SAP30BP: variants seen among roughly 807,000 people sequenced by gnomAD.
The protein encoded by SAP30BP is SAP30-binding protein.
Under a neutral mutation model 46.3 loss-of-function variants are expected in SAP30BP, and 31 were observed. The ratio of observed to expected loss-of-function variants is 0.67; its 90% confidence interval spans 0.50 to 0.90. The LOEUF (loss-of-function observed/expected upper bound fraction) is 0.90. Among genes scored for constraint, SAP30BP ranks in the 40% least tolerant of loss-of-function variants. SAP30BP has a pLI of 0.00. For synonymous variants in SAP30BP, 169 were observed against 144.2 expected, an observed-to-expected ratio of 1.17 and a Z score of -1.23; for missense variants, 312 against 391.0, an observed-to-expected ratio of 0.80 and a Z score of 1.70.
chr17:75,677,106 C>CTTTTTT (rs35919373), intron 3 of SAP30BP, among the ~76,000 whole-genome samples: 7 of 113,490 alleles, frequency 6.2e-5, no homozygotes, highest in South Asian at 2.9e-4. Context: ...TGGCAGAAAA[C>CTTTTTT]TTTTTTTTTT....
At chr17:75,690,551 C>T (rs2060226378) in intron 3 of SAP30BP, 3 of 390,272 alleles carry the variant, frequency 7.7e-6, no homozygotes, top group Non-Finnish European at 1.5e-5. Flanking sequence ...CTCCTGGACT[C>T]AAGCAGTCAG....
At chr17:75,686,023 T>C (rs2060151145) in intron 3 of SAP30BP, among the ~76,000 whole-genome samples, 2 of 152,230 alleles carry the variant, frequency 1.3e-5, no homozygotes, top group African/African-American at 4.8e-5. Context: ...CATTGAAGTC[T>C]AGTTGGTTGT....
intron 3 of SAP30BP, among the ~76,000 whole-genome samples, chr17:75,681,489 C>G (rs907479729): frequency 5.3e-5 from 8 of 152,240 alleles, no homozygotes; most frequent in African/African-American, 1.9e-4. Context: ...CACCCACTCT[C>G]CTCTCAACTC....
Position 75,704,829 on chromosome 17 carries a change from A to G in SAP30BP, c.660+15A>G. On this transcript the variant is annotated intron_variant, in intron 9 of 10. Transcript: ENST00000584667. Reference sequence around the variant, plus strand: ...AGCGAACAAAAGTAAGTGATGGCAGACCTCCTAGATGAAAAAGGCACATGT... The same window carrying G: ...AGCGAACAAAAGTAAGTGATGGCAGGCCTCCTAGATGAAAAAGGCACATGT... 6.2e-7 allele frequency: 1 copy of G among 1,607,566 alleles called. No individual in the cohort carries two copies. Among genetic ancestry groups the G allele is most frequent in the Non-Finnish European group, 8.5e-7 (1 of 1,174,430 alleles).
intron 9 of SAP30BP, chr17:75,705,692 G>C: frequency 8.7e-7 from 1 of 1,155,150 alleles, no homozygotes; most frequent in African/African-American, 1.6e-5. Context: ...CTCCTCCTGG[G>C]TGTGAGGAGG....
At chr17:75,702,110 C>T (rs2060420840) in intron 5 of SAP30BP, among the ~76,000 whole-genome samples, 1 of 152,216 alleles carries the variant, frequency 6.6e-6, no homozygotes, top group South Asian at 2.1e-4. Context: ...GCAACCTCCA[C>T]CTCCCAGGTT....
chr17:75,685,706 A>G (rs929805419), intron 3 of SAP30BP, among the ~76,000 whole-genome samples: 2 of 151,956 alleles, frequency 1.3e-5, no homozygotes, highest in Admixed American at 6.6e-5. Context: ...GGCTCCCCCC[A>G]ACCCCCCAAA....
intron 8 of SAP30BP, 44 bp downstream of exon 8, chr17:75,703,903 G>A (rs776460137): frequency 1.3e-5 from 18 of 1,381,494 alleles, no homozygotes; most frequent in South Asian, 6.9e-5. Flanking sequence ...CCGCCCACCC[G>A]ACTGTCCCTT....
chr17:75,690,720 G>A (rs1266660250), intron 3 of SAP30BP: 1 of 456,580 alleles, frequency 2.2e-6, no homozygotes, highest in Non-Finnish European at 4.4e-6. Context: ...CAAGCTCATG[G>A]CCCAGCTTGT....
At position 75,706,576 on chromosome 17, in the gene SAP30BP, C is replaced by T; in HGVS notation, c.*55C>T. On this transcript the variant is annotated 3_prime_UTR_variant, in exon 11 of 11. Transcript: ENST00000584667. This position sits in a 1 kb window ranked among gnomAD's most constrained non-coding sequence, Gnocchi z 4.6. Reference sequence around the variant, plus strand: ...ACCGTGCAGCCCAGTGACCACTGCCCAGTGGGAGGCGCCACTTTGTATATT... The same window carrying T: ...ACCGTGCAGCCCAGTGACCACTGCCTAGTGGGAGGCGCCACTTTGTATATT... 6.6e-7 allele frequency: 1 copy of T among 1,507,954 alleles called. No individual in the cohort carries two copies. The highest frequency in any genetic ancestry group is 9.1e-7 in the Non-Finnish European group (1 of 1,093,450). The allele number at this position is 1,507,954 out of a possible 1,614,324, so 93.4% of individuals were successfully genotyped here.
intron 3 of SAP30BP, chr17:75,690,741 G>T: frequency 2.2e-6 from 1 of 456,724 alleles, no homozygotes. Context: ...TGGACTCAGA[G>T]GGCAGAAGAA....
intron 5 of SAP30BP, 118 bp from the exon 6 acceptor site, chr17:75,702,362 T>C: frequency 3.7e-6 from 2 of 537,118 alleles, no homozygotes; most frequent in Non-Finnish European, 3.5e-6. Flanking sequence ...CAAGTTGGGC[T>C]TTGCCTGACT....
chr17:75,682,610 G>A (rs969507505), intron 3 of SAP30BP, among the ~76,000 whole-genome samples: 1 of 152,098 alleles, frequency 6.6e-6, no homozygotes, highest in African/African-American at 2.4e-5. Context: ...TTGCTGTACT[G>A]TATAATTATA....
At chr17:75,701,249 A>G (rs1014406677) in intron 5 of SAP30BP, among the ~76,000 whole-genome samples, 4 of 151,944 alleles carry the variant, frequency 2.6e-5, no homozygotes, top group Admixed American at 6.5e-5. Context: ...CCTTCTGGAG[A>G]ATCTATATTT....
At chr17:75,693,923 G>A (rs1030310582) in intron 4 of SAP30BP, among the ~76,000 whole-genome samples, 2 of 152,192 alleles carry the variant, frequency 1.3e-5, no homozygotes, top group Non-Finnish European at 2.9e-5. Context: ...CACAGCCCTG[G>A]AGTCTGGGGC....
intron 8 of SAP30BP, 127 bp downstream of exon 8, chr17:75,703,986 C>A: frequency 1.3e-6 from 1 of 784,642 alleles, no homozygotes. Context: ...TTCAAGGGGG[C>A]TGGGTACAGG....
intron 6 of SAP30BP, 102 bp from the exon 7 acceptor site, chr17:75,703,209 A>T: frequency 9.1e-7 from 1 of 1,099,654 alleles, no homozygotes; most frequent in Non-Finnish European, 1.4e-6. Context: ...AGCTGGATTT[A>T]AAAGTTGTGA....
At chr17:75,677,394 C>T (rs955351207) in intron 3 of SAP30BP, among the ~76,000 whole-genome samples, 3 of 150,610 alleles carry the variant, frequency 2.0e-5, no homozygotes, top group African/African-American at 7.3e-5. Flanking sequence ...TGAGCCACCA[C>T]GCCCGGCCTA....
rs2059958847 is a variant in SAP30BP, at chr17:75,674,690, GTTTTTTGTT to G, written c.264+2834_264+2842del. On this transcript the variant is annotated intron_variant, in intron 3 of 10. Coordinates refer to ENST00000584667, the MANE Select transcript of SAP30BP (RefSeq NM_013260.8). ...TTAAGCATATGAAGTTTTTTTGTTT[GTTTTTTGTT>G]TTTTTTTTTTTTTTTTTTTTTTTTT... Among the ~76,000 whole-genome samples the G allele has an allele frequency of 7.6e-5, 3 of 39,578 alleles. 1 individual carries two copies. Among genetic ancestry groups the G allele is most frequent in the African/African-American group, 2.0e-4 (3 of 15,098 alleles). The allele number at this position is 39,578 out of a possible 152,430, so 26.0% of individuals were successfully genotyped here.
Sources: allele counts gnomAD v4.1 joint callset (sites outside exome capture counted in the v4.1 genomes callset), GRCh38; gene constraint gnomAD v4.1.1; non-coding constraint Gnocchi (gnomAD v3.1); transcripts MANE v1.5; gene names NCBI Gene and HGNC (gene_info 2026-07-23, HGNC 2026-07-21).